Variants in ROBO2 observed in about 807,000 individuals in gnomAD.
The protein encoded by ROBO2 is roundabout guidance receptor 2, also known as roundabout homolog 2.
Under a neutral mutation model 160.8 loss-of-function variants are expected in ROBO2, and 53 were observed. The observed-to-expected ratio is 0.33, with a 90% CI of 0.26 to 0.41. The LOEUF is 0.41. Among genes scored for constraint, ROBO2 ranks in the 10% least tolerant of loss-of-function variants. ROBO2 has a pLI of 1.00. For synonymous variants in ROBO2, 664 were observed against 611.7 expected, an observed-to-expected ratio of 1.09 and a Z score of -1.26; for missense variants, 1,577 against 1,722.4, an observed-to-expected ratio of 0.92 and a Z score of 1.49.
At chr3:77,363,942 G>C (rs9836821) in intron 2 of ROBO2, among the ~76,000 whole-genome samples, 61,737 of 151,954 alleles carry the variant, frequency 0.41, 13,280 homozygotes, top group East Asian at 0.72. Context: ...TGCTTTGAGG[G>C]CTTCTAATTT....
chr3:76,082,364 G>T (rs2068864366), intron 2 of ROBO2, among the ~76,000 whole-genome samples: 1 of 152,106 alleles, frequency 6.6e-6, no homozygotes, highest in Non-Finnish European at 1.5e-5. Flanking sequence ...GGCATAAAAA[G>T]TTATGCTATA....
chr3:76,588,529 G>T (rs753059773), intron 2 of ROBO2, among the ~76,000 whole-genome samples: 3 of 152,042 alleles, frequency 2.0e-5, no homozygotes, highest in Non-Finnish European at 2.9e-5. Context: ...ATTTCAAAAA[G>T]AACACAATAT....
intron 16 of ROBO2, among the ~76,000 whole-genome samples, chr3:77,586,747 A>G (rs778665455): frequency 6.6e-6 from 1 of 151,324 alleles, no homozygotes; most frequent in Non-Finnish European, 1.5e-5. Flanking sequence ...AATTCCTAAT[A>G]GTTAAGGAAA....
intron 2 of ROBO2, among the ~76,000 whole-genome samples, chr3:76,544,739 G>A (rs1190869411): frequency 6.6e-6 from 1 of 151,950 alleles, no homozygotes; most frequent in Admixed American, 6.6e-5. Flanking sequence ...TCAATTTCCT[G>A]TGCCTCTGTT....
chr3:76,407,509 A>G (rs2075267945), intron 2 of ROBO2, among the ~76,000 whole-genome samples: 1 of 151,954 alleles, frequency 6.6e-6, no homozygotes, highest in Non-Finnish European at 1.5e-5. Flanking sequence ...AAATGGCATA[A>G]AAATGGGAAA....
chr3:76,682,995 C>T lies in ROBO2; in HGVS notation c.110-415019C>T, dbSNP rs200951540. On this transcript the variant is annotated intron_variant, in intron 2 of 26. Transcript: ENST00000487694. The stretch of plus-strand genomic sequence containing the variant: ...TTTAAATGATACTTGATGAGATTAG[C>T]CAGACAGAACAATCAGAGAATCTGG... Among the ~76,000 whole-genome samples, 15 of 152,066 alleles carry T rather than the reference C, an allele frequency of 9.9e-5. No homozygotes were observed. The East Asian group carries it at 2.9e-3, about 30-fold the overall frequency.
At chr3:77,485,878 A>C (rs147009980) in intron 4 of ROBO2, among the ~76,000 whole-genome samples, 30 of 152,254 alleles carry the variant, frequency 2.0e-4, no homozygotes, top group African/African-American at 6.7e-4. Flanking sequence ...AGATTAACCT[A>C]TCACCTAGGT....
intron 2 of ROBO2, among the ~76,000 whole-genome samples, chr3:77,158,888 A>G (rs981676810): frequency 6.6e-6 from 1 of 152,142 alleles, no homozygotes. Flanking sequence ...GCATCAATAG[A>G]AAAACACATC....
intron 2 of ROBO2, among the ~76,000 whole-genome samples, chr3:76,335,656 C>T (rs1576503969): frequency 6.6e-6 from 1 of 151,908 alleles, no homozygotes; most frequent in African/African-American, 2.4e-5. Flanking sequence ...CGGCTCACTG[C>T]AAGCTCCACC....
intron 22 of ROBO2, among the ~76,000 whole-genome samples, chr3:77,619,369 C>T (rs1211289335): frequency 1.3e-5 from 2 of 152,096 alleles, no homozygotes; most frequent in Non-Finnish European, 2.9e-5. Context: ...AGTCATAGAA[C>T]TCACCAAAAG....
At chr3:76,641,734 A>G (rs1283693109) in intron 2 of ROBO2, among the ~76,000 whole-genome samples, 1 of 152,134 alleles carries the variant, frequency 6.6e-6, no homozygotes, top group African/African-American at 2.4e-5. Context: ...TATGGTATGT[A>G]GGTTTTTATT....
chr3:77,214,150 C>T (rs2084584990), intron 2 of ROBO2, among the ~76,000 whole-genome samples: 1 of 152,012 alleles, frequency 6.6e-6, no homozygotes, highest in Admixed American at 6.6e-5. Flanking sequence ...CTTTCTGTCT[C>T]GTTTATCTGT....
intron 2 of ROBO2, among the ~76,000 whole-genome samples, chr3:76,435,597 G>GC (rs1450696463): frequency 1.3e-5 from 2 of 152,220 alleles, no homozygotes; most frequent in African/African-American, 4.8e-5. Context: ...TGAAATTTGG[G>GC]GTGGGATAGC....
intron 2 of ROBO2, among the ~76,000 whole-genome samples, chr3:77,226,921 C>T (rs1034061385): frequency 1.3e-5 from 2 of 152,140 alleles, no homozygotes; most frequent in African/African-American, 4.8e-5. Flanking sequence ...AATCATAAGT[C>T]GGTGACTGTG....
intron 2 of ROBO2, among the ~76,000 whole-genome samples, chr3:77,124,729 A>G (rs1356517786): frequency 6.6e-6 from 1 of 152,138 alleles, no homozygotes. Context: ...TAAACTAAGT[A>G]TACAACTTGT....
chr3:77,530,093 A>T (rs1253810540), intron 6 of ROBO2, among the ~76,000 whole-genome samples: 1 of 151,910 alleles, frequency 6.6e-6, no homozygotes, highest in African/African-American at 2.4e-5. Context: ...TAAAAAGCAC[A>T]TTTTTCAACT....
At chr3:77,283,491 G>A (rs529240990) in intron 2 of ROBO2, among the ~76,000 whole-genome samples, 8 of 152,152 alleles carry the variant, frequency 5.3e-5, no homozygotes, top group South Asian at 2.1e-4. Flanking sequence ...CTTCTAAAAC[G>A]TATAAGTGAA....
At chr3:77,487,168 A>G (rs963338104) in intron 4 of ROBO2, among the ~76,000 whole-genome samples, 1 of 152,132 alleles carries the variant, frequency 6.6e-6, no homozygotes, top group Admixed American at 6.5e-5. Context: ...CTTAAGAAGT[A>G]TCTGTATTTT....
At position 77,477,984 on chromosome 3, in the gene ROBO2, G is replaced by A. The variant is rs1429193385; in HGVS notation, c.546+413G>A. On this transcript the variant is annotated intron_variant, in intron 3 of 25. Coordinates refer to ENST00000461745, the Ensembl canonical transcript of ROBO2. ...TGGGACTACAGGTGTGCGCCACCAC[G>A]CCCAGCTATTTTTTGTATTTTTTGT... Among the ~76,000 whole-genome samples, 2 of 151,674 alleles carry A rather than the reference G, an allele frequency of 1.3e-5. 1 individual carries two copies. Among genetic ancestry groups the A allele is most frequent in the African/African-American group, 4.8e-5 (2 of 41,270 alleles).
Sources: gnomAD v4.1 joint callset for allele counts (sites outside exome capture counted in the v4.1 genomes callset) on GRCh38, gnomAD v4.1.1 for gene constraint, MANE v1.5 for transcripts, NCBI Gene and HGNC (gene_info 2026-07-23, HGNC 2026-07-21) for gene names.